The following B3GAT3 variants were observed in gnomAD, a reference collection of about 807,000 sequenced individuals.
B3GAT3 encodes beta-1,3-glucuronyltransferase 3, also known as galactosylgalactosylxylosylprotein 3-beta-glucuronosyltransferase 3.
A neutral mutation model predicts 33.1 loss-of-function variants in B3GAT3; 19 were observed. The ratio of observed to expected loss-of-function variants is 0.57; its 90% confidence interval spans 0.40 to 0.84. B3GAT3 has a LOEUF of 0.84. Among genes scored for constraint, B3GAT3 ranks in the 40% least tolerant of loss-of-function variants. The probability of loss-of-function intolerance (pLI) is 0.00; values close to 1 mark genes in which losing one functional copy is unlikely to be tolerated. For missense variants in B3GAT3, 344 were observed against 441.5 expected (o/e 0.78, Z 1.98); for synonymous variants, 167 against 193.5 (o/e 0.86, Z 1.14).
At position 62,615,543 on chromosome 11, in the gene B3GAT3, G is replaced by T; in HGVS notation, c.*158C>A. 1 of 1,335,104 alleles carries T rather than the reference G, an allele frequency of 7.5e-7. No individual in the cohort carries two copies. Among genetic ancestry groups the T allele is most frequent in the Non-Finnish European group, 1.0e-6 (1 of 978,264 alleles). 82.7% of individuals were successfully genotyped at this position (1,335,104 alleles called of 1,614,324 possible). A position where few individuals can be genotyped will look rare whatever the true frequency, so the allele number is the denominator to read the frequency against. On this transcript the variant is annotated 3_prime_UTR_variant, in exon 5 of 5. Coordinates refer to ENST00000265471, the MANE Select transcript of B3GAT3 (RefSeq NM_012200.4). The stretch of plus-strand genomic sequence containing the variant: ...GTGCCACACGGCAGGCTAGGGGAGG[G>T]GTGAAGCAGCAGGACCATGCCCTGG...
At chr11:62,619,273 G>GT (rs1264400445) in intron 2 of B3GAT3, among the ~76,000 whole-genome samples, 1 of 152,094 alleles carries the variant, frequency 6.6e-6, no homozygotes, top group African/African-American at 2.4e-5. Context: ...CCCAGGGCTG[G>GT]TTGTGTGTGC....
chr11:62,617,454 T>A (rs1237445598), intron 2 of B3GAT3, 107 bp from the exon 3 acceptor site: 1 of 1,481,438 alleles, frequency 6.8e-7, no homozygotes, highest in South Asian at 1.2e-5. Flanking sequence ...CCTGTGGCCC[T>A]TCCCAACCAA....
chr11:62,617,974 G>A (rs916022145), intron 2 of B3GAT3, among the ~76,000 whole-genome samples: 2 of 151,326 alleles, frequency 1.3e-5, no homozygotes, highest in Non-Finnish European at 2.9e-5. Context: ...TTAGGAGTTC[G>A]AGACCAGCCT....
chr11:62,620,020 CTTTTG>C (rs1181125453), intron 2 of B3GAT3, among the ~76,000 whole-genome samples: 21 of 150,516 alleles, frequency 1.4e-4, no homozygotes, highest in East Asian at 7.8e-4. Context: ...TTTCTTTTTT[CTTTTG>C]TTTTGTTTTG....
intron 1 of B3GAT3, among the ~76,000 whole-genome samples, 165 bp downstream of exon 1, chr11:62,621,701 G>A (rs1202447106): frequency 1.3e-5 from 2 of 152,220 alleles, no homozygotes; most frequent in African/African-American, 4.8e-5. Context: ...GGTGCGGCGG[G>A]TAGCCGCGGT....
Position 62,617,073 on chromosome 11 carries a change from C to T in B3GAT3, c.532G>A (p.Glu178Lys). Reference protein sequence around the residue: ...LRGRGGAVGGEKDPPPPGTQG... With the variant: ...LRGRGGAVGGKKDPPPPGTQG... Reference sequence around the variant, plus strand: ...GTCCCTGGTGGTGGTGGGTCCTTCTCCCCACCCACAGCACCCCCTCTGCCC... The same window carrying T: ...GTCCCTGGTGGTGGTGGGTCCTTCTTCCCACCCACAGCACCCCCTCTGCCC... Residue 178 changes from glutamate to lysine, a missense_variant, in exon 3 of 5, where the codon GAG becomes AAG. Glu to Lys is a moderately conservative substitution (Grantham distance 56). Transcript: ENST00000265471. 1 of 1,614,128 alleles carries T rather than the reference C, an allele frequency of 6.2e-7. No homozygotes were observed. The highest frequency in any genetic ancestry group is 8.5e-7 in the Non-Finnish European group (1 of 1,180,026).
intron 2 of B3GAT3, 126 bp downstream of exon 2, chr11:62,620,371 T>C (rs966669237): frequency 1.1e-6 from 1 of 925,296 alleles, no homozygotes; most frequent in South Asian, 1.4e-5. Context: ...ATGTGGTTCA[T>C]TTATCCTGTC....
chr11:62,619,632 A>G (rs1943104246), intron 2 of B3GAT3, among the ~76,000 whole-genome samples: 1 of 149,488 alleles, frequency 6.7e-6, no homozygotes, highest in South Asian at 2.1e-4. Flanking sequence ...CCCAGGATCA[A>G]GCAATCTTCC....
At position 62,617,078 on chromosome 11, in the gene B3GAT3, C is replaced by A; in HGVS notation, c.527G>T (p.Gly176Val). 6.2e-7 allele frequency: 1 copy of A among 1,614,142 alleles called. No homozygotes were observed. Among genetic ancestry groups the A allele is most frequent in the Non-Finnish European group, 8.5e-7 (1 of 1,180,028 alleles). ...TGGTGGTGGTGGGTCCTTCTCCCCA[C>A]CCACAGCACCCCCTCTGCCCCGGAG... ...DWLRGRGGAVGGEKDPPPPGT... is the reference protein window; with the variant it reads ...DWLRGRGGAVVGEKDPPPPGT... The change falls in exon 3 of 5, where the codon GGT becomes GTT. Residue 176 changes from glycine to valine, a missense_variant. Physicochemically the swap from Gly to Val is moderately radical, Grantham distance 109. Coordinates refer to ENST00000265471, the MANE Select transcript of B3GAT3 (RefSeq NM_012200.4).
intron 1 of B3GAT3, 120 bp downstream of exon 1, chr11:62,621,746 G>GAGCT (rs1402133439): frequency 2.7e-5 from 30 of 1,112,586 alleles, no homozygotes; most frequent in Non-Finnish European, 3.8e-5. Flanking sequence ...TGAGGCCGCA[G>GAGCT]AGCTGTCCGG....
rs574788533 is a variant in B3GAT3 at position 62,619,015 on chromosome 11, G to A, written c.257+1482C>T. ...AAAAAAAAAAAATTAGCCTGGTGTGGTGGTGCACGCCTGTAATCCCAGCTA... is the reference window on the plus strand; with the variant it reads ...AAAAAAAAAAAATTAGCCTGGTGTGATGGTGCACGCCTGTAATCCCAGCTA... On this transcript the variant is annotated intron_variant, in intron 2 of 4. Transcript: ENST00000265471. Among the ~76,000 whole-genome samples, 508 of 150,918 alleles carry A rather than the reference G, an allele frequency of 3.4e-3. 3 individuals are homozygous for A. The highest frequency in any genetic ancestry group is 0.012 in the African/African-American group (479 of 40,994).
In B3GAT3 at chr11:62,616,723, ACCTGAGGG is replaced by A; in HGVS notation, c.684_691del (p.Pro229ThrfsTer35). On this transcript the variant is annotated frameshift_variant, in exon 4 of 5. Transcript: ENST00000265471. LOFTEE classifies it high-confidence loss of function. ...GAAGCCCACTACCCGGCCGTCCTGT[ACCTGAGGG>A]CCCTCGAATCGCAGGCCGCCCACCA... The A allele has an allele frequency of 6.2e-7, 1 of 1,614,008 alleles. No homozygotes were observed.
chr11:62,615,978 T>C (rs1590773332), intron 4 of B3GAT3, 179 bp from the exon 5 acceptor site: 1 of 1,477,384 alleles, frequency 6.8e-7, no homozygotes, highest in Non-Finnish European at 9.0e-7. Flanking sequence ...GGCGCGTGGC[T>C]CACGCCTGTA....
At chr11:62,616,044 C>A in intron 4 of B3GAT3, 1 of 1,219,782 alleles carries the variant, frequency 8.2e-7, no homozygotes, top group East Asian at 3.1e-5. Context: ...GAGATTGAGA[C>A]CATCCTGGCT....
In B3GAT3 at chr11:62,616,693, G is replaced by A; in HGVS notation, c.722C>T (p.Thr241Ile). 1.2e-6 allele frequency: 2 copies of A among 1,614,208 alleles called. No individual in the cohort carries two copies. The highest frequency in any genetic ancestry group is 1.7e-6 in the Non-Finnish European group (2 of 1,180,036). The change falls in exon 4 of 5, where the codon ACA becomes ATA. Residue 241 changes from threonine (T) to isoleucine (I), a missense_variant. Transcript: ENST00000265471. ...VQDGRVVGFHTAWEPSRPFPV... is the reference protein window; with the variant it reads ...VQDGRVVGFHIAWEPSRPFPV... ...GAAGGGCCTGCTGGGCTCCCATGCT[G>A]TGTGGAAGCCCACTACCCGGCCGTC...
At chr11:62,619,645 C>A (rs568154174) in intron 2 of B3GAT3, among the ~76,000 whole-genome samples, 1 of 151,638 alleles carries the variant, frequency 6.6e-6, no homozygotes, top group African/African-American at 2.4e-5. Context: ...AATCTTCCCA[C>A]CTCAGCCTCC....
intron 4 of B3GAT3, chr11:62,616,180 C>A: frequency 1.9e-6 from 1 of 533,560 alleles, no homozygotes; most frequent in Non-Finnish European, 3.3e-6. Context: ...GGAGGCGGAG[C>A]TTGCGCTAAG....
intron 2 of B3GAT3, among the ~76,000 whole-genome samples, chr11:62,619,007 C>G (rs1483154307): frequency 6.7e-6 from 1 of 148,320 alleles, no homozygotes; most frequent in Admixed American, 6.7e-5. Flanking sequence ...AAAAATTAGC[C>G]TGGTGTGGTG....
intron 2 of B3GAT3, among the ~76,000 whole-genome samples, chr11:62,617,877 C>CAA (rs765238565): frequency 6.4e-5 from 4 of 62,442 alleles, no homozygotes; most frequent in Non-Finnish European, 9.3e-5. Flanking sequence ...AACTCCATCT[C>CAA]AAAAAAAAAA....
Sources: gnomAD v4.1 joint callset for allele counts (sites outside exome capture counted in the v4.1 genomes callset) on GRCh38, gnomAD v4.1.1 for gene constraint, MANE v1.5 for transcripts, NCBI Gene and HGNC (gene_info 2026-07-23, HGNC 2026-07-21) for gene names.